Variants in GAB2 observed in about 807,000 individuals in gnomAD.
The protein encoded by GAB2 is GRB2 associated binding protein 2, also known as GRB2-associated-binding protein 2.
Under a neutral mutation model 65.5 loss-of-function variants are expected in GAB2, and 26 were observed. The ratio of observed to expected loss-of-function variants is 0.40; its 90% confidence interval spans 0.29 to 0.55. GAB2 has a LOEUF of 0.55. Ranked by LOEUF, GAB2 falls within the 20% of genes least tolerant of loss-of-function variation. GAB2 has a pLI of 0.53. For synonymous variants in GAB2, 321 were observed against 329.6 expected, an observed-to-expected ratio of 0.97 and a Z score of 0.28; for missense variants, 884 against 875.8, an observed-to-expected ratio of 1.01 and a Z score of -0.12.
In GAB2 at chr11:78,240,878, A is replaced by T. The variant is rs1463629810; in HGVS notation, c.620+9279T>A. 2.6e-5 allele frequency among the ~76,000 whole-genome samples: 4 copies of T among 152,092 alleles called. No individual in the cohort carries two copies. The East Asian group carries it at 7.7e-4, about 29-fold the overall frequency. On this transcript the variant is annotated intron_variant, in intron 3 of 9. Coordinates refer to ENST00000361507, the MANE Select transcript of GAB2 (RefSeq NM_080491.3). The stretch of plus-strand genomic sequence containing the variant: ...TGGCCCGGAGGGCAGTCCACATCCA[A>T]CCATGCTACGGAGAGTGAACCTGCA...
chr11:78,285,916 G>A (rs1302358859), intron 1 of GAB2, among the ~76,000 whole-genome samples: 1 of 152,130 alleles, frequency 6.6e-6, no homozygotes, highest in African/African-American at 2.4e-5. Context: ...TCTTTTCAAG[G>A]CATGTCAGTT....
At chr11:78,349,051 A>T (rs1237067939) in intron 1 of GAB2, among the ~76,000 whole-genome samples, 6 of 152,244 alleles carry the variant, frequency 3.9e-5, no homozygotes. Context: ...GCAAAGGGGC[A>T]AGAGGAATCT....
chr11:78,291,061 ACT>A (rs1332936538), intron 1 of GAB2, among the ~76,000 whole-genome samples: 1 of 147,730 alleles, frequency 6.8e-6, no homozygotes, highest in Non-Finnish European at 1.5e-5. Flanking sequence ...TTCCAATAAA[ACT>A]GCTTAGAAAA....
At chr11:78,226,344 T>G (rs547378657) in intron 4 of GAB2, 121 bp downstream of exon 4, 1 of 771,090 alleles carries the variant, frequency 1.3e-6, no homozygotes, top group East Asian at 2.5e-5. Context: ...TTTTTGAGTA[T>G]CAGTGACCTA....
At chr11:78,299,796 T>C (rs1480939796) in intron 1 of GAB2, among the ~76,000 whole-genome samples, 2 of 152,224 alleles carry the variant, frequency 1.3e-5, no homozygotes, top group African/African-American at 4.8e-5. Context: ...GTATTGCATA[T>C]GTAGCTGGAA....
At chr11:78,223,702 T>C (rs1864537692) in intron 5 of GAB2, 26 bp from the exon 6 acceptor site, 9 of 1,548,602 alleles carry the variant, frequency 5.8e-6, no homozygotes, top group Non-Finnish European at 7.9e-6. Context: ...GTGAAAGAAA[T>C]ACAGCTGTTA....
chr11:78,319,199 T>C (rs984216403), intron 1 of GAB2, among the ~76,000 whole-genome samples: 8 of 152,184 alleles, frequency 5.3e-5, no homozygotes, highest in Non-Finnish European at 1.0e-4. Context: ...GAATTTTTTT[T>C]CCTCCATTTT....
chr11:78,243,143 G>A (rs1450217937), intron 3 of GAB2, among the ~76,000 whole-genome samples: 2 of 149,860 alleles, frequency 1.3e-5, no homozygotes, highest in African/African-American at 4.9e-5. Context: ...CAGTATGGGC[G>A]ACAGAGTGAG....
chr11:78,398,759 T>C (rs1280687850), intron 1 of GAB2, among the ~76,000 whole-genome samples: 2 of 152,242 alleles, frequency 1.3e-5, no homozygotes, highest in African/African-American at 2.4e-5. Context: ...ATACCACTTT[T>C]ACTAGAAGAA....
At chr11:78,383,267 C>T (rs1445558108) in intron 1 of GAB2, among the ~76,000 whole-genome samples, 1 of 151,430 alleles carries the variant, frequency 6.6e-6, no homozygotes, top group African/African-American at 2.4e-5. Context: ...AGCAAAACTC[C>T]GTCTCAAAAA....
intron 3 of GAB2, among the ~76,000 whole-genome samples, chr11:78,238,911 TCAA>T (rs1454977292): frequency 5.9e-5 from 9 of 151,914 alleles, no homozygotes; most frequent in East Asian, 1.9e-4. Context: ...CTCCAACAGC[TCAA>T]CAACAACAAC....
At chr11:78,261,881 G>GT (rs1865744857) in intron 2 of GAB2, among the ~76,000 whole-genome samples, 1 of 152,162 alleles carries the variant, frequency 6.6e-6, no homozygotes, top group South Asian at 2.1e-4. Flanking sequence ...GGTATATTAA[G>GT]TTCACATTAA....
intron 1 of GAB2, among the ~76,000 whole-genome samples, chr11:78,400,638 C>T (rs1469071013): frequency 2.0e-5 from 3 of 152,100 alleles, no homozygotes; most frequent in Non-Finnish European, 2.9e-5. Flanking sequence ...CGCAGTGGCT[C>T]ATGTCTGTAA....
chr11:78,306,706 G>A (rs1019972678), intron 1 of GAB2, among the ~76,000 whole-genome samples: 3 of 152,182 alleles, frequency 2.0e-5, no homozygotes, highest in African/African-American at 7.2e-5. Flanking sequence ...CGTCTTGAAG[G>A]CAGAGAGTGA....
At chr11:78,263,018 A>G (rs1865774680) in intron 2 of GAB2, among the ~76,000 whole-genome samples, 1 of 152,250 alleles carries the variant, frequency 6.6e-6, no homozygotes, top group Admixed American at 6.5e-5. Flanking sequence ...GACAAAGCCT[A>G]AAGTATTTAC....
intron 1 of GAB2, among the ~76,000 whole-genome samples, chr11:78,413,569 A>C (rs1304740816): frequency 6.6e-6 from 1 of 152,164 alleles, no homozygotes; most frequent in Non-Finnish European, 1.5e-5. Flanking sequence ...TTTCCACTGG[A>C]GCCGACTGAG....
In GAB2 at chr11:78,362,806, A is replaced by T. The variant is rs527601476; in HGVS notation, c.75+54840T>A. ...TTACATAAAGCATATACATTACTCAAAAGAATGCTGCTGCAGGTATATGAC... is the reference window on the plus strand; with the variant it reads ...TTACATAAAGCATATACATTACTCATAAGAATGCTGCTGCAGGTATATGAC... On this transcript the variant is annotated intron_variant, in intron 1 of 9. Transcript: ENST00000361507. Among the ~76,000 whole-genome samples the T allele has an allele frequency of 1.2e-3, 177 of 152,308 alleles. 1 individual carries two copies. Among genetic ancestry groups the T allele is most frequent in the African/African-American group, 4.0e-3 (167 of 41,574 alleles).
At position 78,219,355 on chromosome 11, in the gene GAB2, TCTC is replaced by T; in HGVS notation, c.1945_1947del (p.Glu649del). The T allele has an allele frequency of 6.2e-7, 1 of 1,613,846 alleles. No individual in the cohort carries two copies. The highest frequency in any genetic ancestry group is 8.5e-7 in the Non-Finnish European group (1 of 1,179,868). ...ATGGTGTTCTGCAGGGCCTGGGTCT[TCTC>T]CTTGTCCACCTGAACGTAGTCCACC... On this transcript the variant is annotated inframe_deletion, in exon 10 of 10. Transcript: ENST00000361507.
intron 1 of GAB2, among the ~76,000 whole-genome samples, chr11:78,341,401 T>C (rs1001620516): frequency 2.0e-5 from 3 of 152,212 alleles, no homozygotes; most frequent in Non-Finnish European, 2.9e-5. Flanking sequence ...GAGATACCAA[T>C]GTAATCCTCT....
Sources: gnomAD v4.1 joint callset for allele counts (sites outside exome capture counted in the v4.1 genomes callset) on GRCh38, gnomAD v4.1.1 for gene constraint, MANE v1.5 for transcripts, NCBI Gene and HGNC (gene_info 2026-07-23, HGNC 2026-07-21) for gene names.